PCDHGB2: variants seen among roughly 807,000 people sequenced by gnomAD.
PCDHGB2 encodes the protein protocadherin gamma-B2.
A neutral mutation model predicts 59.3 loss-of-function variants in PCDHGB2; 55 were observed. The ratio of observed to expected loss-of-function variants is 0.93; its 90% CI spans 0.75 to 1.16. The LOEUF is 1.16. Among genes scored for constraint, PCDHGB2 ranks in the 50% most tolerant of loss-of-function variants. The pLI is 0.00. For missense variants in PCDHGB2, 1,228 were observed against 1,198.5 expected (o/e 1.02, Z -0.36); for synonymous variants, 516 against 512.0 (o/e 1.01, Z -0.11).
At chr5:141,374,726 A>G (rs1471530567) in intron 1 of PCDHGB2, 2 of 1,610,526 alleles carry the variant, frequency 1.2e-6, no homozygotes, top group Non-Finnish European at 8.5e-7. Flanking sequence ...CCTTACTGCC[A>G]TGGATGGCGG....
chr5:141,506,847 T>C lies in PCDHGB2; in HGVS notation c.2569+1366T>C, dbSNP rs146737657. ...GAACTGATAGCCCTGCCCTCCAGCA[T>C]GTCTGGAGGACTGGTGGGTAGAGAA... On this transcript the variant is annotated intron_variant, in intron 3 of 3. Coordinates refer to ENST00000522605, the MANE Select transcript of PCDHGB2 (RefSeq NM_018923.3). 3.7e-3 allele frequency among the ~76,000 whole-genome samples: 564 copies of C among 152,318 alleles called. 5 individuals are homozygous for C. Among genetic ancestry groups the C allele is most frequent in the Admixed American group, 0.011 (164 of 15,302 alleles).
At chr5:141,444,002 C>T (rs2098413409) in intron 1 of PCDHGB2, among the ~76,000 whole-genome samples, 1 of 151,918 alleles carries the variant, frequency 6.6e-6, no homozygotes, top group African/African-American at 2.4e-5. Flanking sequence ...TAAATGCTAC[C>T]TGGGTATTGG....
chr5:141,361,680 C>A lies in PCDHGB2; in HGVS notation c.1545C>A (p.Phe515Leu). 6.2e-7 allele frequency: 1 copy of A among 1,613,576 alleles called. No individual in the cohort carries two copies. The highest frequency in any genetic ancestry group is 8.5e-7 in the Non-Finnish European group (1 of 1,179,896). The change falls in exon 1 of 4, where the codon TTC (phenylalanine) becomes TTA (leucine). Residue 515 changes from phenylalanine to leucine, a missense_variant. Physicochemically the swap from Phe to Leu is conservative, Grantham distance 22 (BLOSUM62 0). This residue lies in a region of PCDHGB2 where 781 missense variants were observed against 721.6 expected (regional missense o/e 1.08). Coordinates refer to ENST00000522605, the MANE Select transcript of PCDHGB2 (RefSeq NM_018923.3). Reference sequence around the variant, plus strand: ...TGAGCGCGCAGAGCGGGGTGGTGTTCGCGCAGCGCGCCTTCGATCATGAGC... The same window carrying A: ...TGAGCGCGCAGAGCGGGGTGGTGTTAGCGCAGCGCGCCTTCGATCATGAGC... ...VSVSAQSGVV[F>L]AQRAFDHEQL...
At chr5:141,484,877 G>T in intron 1 of PCDHGB2, 1 of 338,660 alleles carries the variant, frequency 3.0e-6, no homozygotes, top group Non-Finnish European at 5.4e-6. Context: ...GTGGAGGATA[G>T]GGTGGGCTTT....
intron 1 of PCDHGB2, among the ~76,000 whole-genome samples, chr5:141,470,239 A>G (rs978204909): frequency 1.3e-5 from 2 of 152,232 alleles, no homozygotes; most frequent in African/African-American, 2.4e-5. Flanking sequence ...AAACCCTTGA[A>G]TGTCCCACCT....
chr5:141,499,479 C>T (rs1019775735), intron 2 of PCDHGB2, among the ~76,000 whole-genome samples: 1 of 152,146 alleles, frequency 6.6e-6, no homozygotes. Context: ...AGAACCACCA[C>T]CAACTACAGT....
rs776739300 is a variant in PCDHGB2, at chr5:141,362,345, C to T, written c.2210C>T (p.Pro737Leu). 1.2e-6 allele frequency: 2 copies of T among 1,614,068 alleles called. No homozygotes were observed. The highest frequency in any genetic ancestry group is 2.2e-5 in the South Asian group (2 of 91,088). ...FQPGLSSKPG[P>L]GVLPNYSEGT... The stretch of plus-strand genomic sequence containing the variant: ...CCTGGTCTCAGCTCCAAGCCTGGAC[C>T]TGGGGTTCTCCCCAATTACAGTGAG... The change falls in exon 1 of 4, where the codon CCT becomes CTT. Residue 737 changes from proline (P) to leucine (L), a missense_variant. By Grantham distance (98) the Pro-to-Leu change is moderately conservative. This residue lies in a region of PCDHGB2 where 433 missense variants were observed against 441.8 expected (regional missense o/e 0.98). Transcript: ENST00000522605.
chr5:141,375,963 G>T lies in PCDHGB2; in HGVS notation c.2421+13407G>T, dbSNP rs371650654. 16 of 1,613,262 alleles carry T rather than the reference G, an allele frequency of 9.9e-6. No homozygotes were observed. Among genetic ancestry groups the T allele is most frequent in the African/African-American group, 1.3e-5 (1 of 74,938 alleles). ...GTGGGCCTGCACACGGGCGAGGTGC[G>T]CACGGCGCGCGCCCTGCTGGACAGA... On this transcript the variant is annotated intron_variant, in intron 1 of 3. Coordinates refer to ENST00000522605, the MANE Select transcript of PCDHGB2 (RefSeq NM_018923.3).
In PCDHGB2 at chr5:141,360,345, G is replaced by A. The variant is rs763623881; in HGVS notation, c.210G>A (p.Ala70=). The change falls in exon 1 of 4, where the codon GCG becomes GCA. Residue 70 remains alanine, a synonymous_variant. Coordinates refer to ENST00000522605, the MANE Select transcript of PCDHGB2 (RefSeq NM_018923.3). ...DLPARKLRVS[A]EKEYFTVNPE... is the part of the protein sequence containing the mutation. ...CAGCCCGGAAGCTGCGGGTTAGCGC[G>A]GAGAAGGAATATTTCACAGTAAACC... The A allele has an allele frequency of 1.2e-6, 2 of 1,613,886 alleles. No individual in the cohort carries two copies. The highest frequency in any genetic ancestry group is 1.7e-5 in the Admixed American group (1 of 60,018).
In PCDHGB2 at chr5:141,432,929, C is replaced by T. The variant is rs759937939; in HGVS notation, c.2422-61878C>T. On this transcript the variant is annotated intron_variant, in intron 1 of 3. Coordinates refer to ENST00000522605, the MANE Select transcript of PCDHGB2 (RefSeq NM_018923.3). This position sits in a 1 kb window ranked among gnomAD's most constrained non-coding sequence, Gnocchi z 6.0. ...GCTGCGGCGCTGGCACAAGTCACGCCTGCTGCAGGCTTCAGGAGGCGGCTT... is the reference window on the plus strand; with the variant it reads ...GCTGCGGCGCTGGCACAAGTCACGCTTGCTGCAGGCTTCAGGAGGCGGCTT... The T allele has an allele frequency of 6.2e-7, 1 of 1,614,078 alleles. No individual in the cohort carries two copies. Among genetic ancestry groups the T allele is most frequent in the African/African-American group, 1.3e-5 (1 of 74,948 alleles).
At chr5:141,364,448 G>A in intron 1 of PCDHGB2, 1 of 1,613,978 alleles carries the variant, frequency 6.2e-7, no homozygotes, top group Non-Finnish European at 8.5e-7. Flanking sequence ...GGAGGAGCTG[G>A]ACAAAGGCTC....
chr5:141,423,630 T>C, intron 1 of PCDHGB2: 1 of 1,603,994 alleles, frequency 6.2e-7, no homozygotes, highest in Non-Finnish European at 8.5e-7. Flanking sequence ...CAGCTATCAT[T>C]TTAGGCAAAT....
chr5:141,364,993 A>C, intron 1 of PCDHGB2: 1 of 1,613,740 alleles, frequency 6.2e-7, no homozygotes, highest in Non-Finnish European at 8.5e-7. Context: ...GAGACCCGGT[A>C]CTCTCCGGCA....
At chr5:141,478,142 G>C in intron 1 of PCDHGB2, 1 of 1,613,988 alleles carries the variant, frequency 6.2e-7, no homozygotes, top group South Asian at 1.1e-5. Flanking sequence ...AGCCCGAGCC[G>C]AGTTCCCCTC....
intron 1 of PCDHGB2, chr5:141,388,423 TGATA>T: frequency 2.5e-6 from 4 of 1,613,948 alleles, no homozygotes; most frequent in Non-Finnish European, 3.4e-6. Flanking sequence ...CATTTCTCAC[TGATA>T]AATAAAGAGA....
At chr5:141,388,794 A>G (rs879026266) in intron 1 of PCDHGB2, 1 of 1,613,898 alleles carries the variant, frequency 6.2e-7, no homozygotes, top group Non-Finnish European at 8.5e-7. Context: ...TGTTTTAAAT[A>G]CATTAGATTT....
At chr5:141,478,467 G>T (rs2099457769) in intron 1 of PCDHGB2, 1 of 1,613,656 alleles carries the variant, frequency 6.2e-7, no homozygotes, top group South Asian at 1.1e-5. Flanking sequence ...CCACTGGCCA[G>T]CCGCCAGAAC....
intron 1 of PCDHGB2, among the ~76,000 whole-genome samples, chr5:141,444,735 C>G (rs924159168): frequency 6.6e-6 from 1 of 152,116 alleles, no homozygotes; most frequent in Admixed American, 6.5e-5. Flanking sequence ...TGTTGAAAGT[C>G]ATTTCACTGA....
intron 1 of PCDHGB2, chr5:141,415,325 C>T (rs1046074461): frequency 2.2e-5 from 35 of 1,614,212 alleles, no homozygotes; most frequent in East Asian, 6.7e-5. Context: ...GTGCTGCTGG[C>T]GCACAGGCTG....
Sources: gnomAD v4.1 joint callset for allele counts (sites outside exome capture counted in the v4.1 genomes callset) on GRCh38, gnomAD v4.1.1 for gene constraint, gnomAD v4.1.1 regional missense constraint, Gnocchi (gnomAD v3.1) non-coding constraint, MANE v1.5 for transcripts, NCBI Gene and HGNC (gene_info 2026-07-23, HGNC 2026-07-21) for gene names.